Variants in WDFY4 observed in about 807,000 individuals in gnomAD.
WDFY4 encodes WD repeat- and FYVE domain-containing protein 4.
Under a neutral mutation model 351.9 loss-of-function variants are expected in WDFY4, and 169 were observed. The observed-to-expected ratio is 0.48, with a 90% CI of 0.42 to 0.55. The LOEUF (loss-of-function observed/expected upper bound fraction) is 0.55. Among genes scored for constraint, WDFY4 ranks in the 20% least tolerant of loss-of-function variants. WDFY4 has a pLI of 0.00. For synonymous variants in WDFY4, 1,622 were observed against 1,574.6 expected (o/e 1.03, Z -0.71); for missense variants, 3,803 against 3,935.6 (o/e 0.97, Z 0.90).
intron 19 of WDFY4, among the ~76,000 whole-genome samples, chr10:48,784,966 T>C (rs2132686671): frequency 6.7e-6 from 1 of 150,296 alleles, no homozygotes; most frequent in Non-Finnish European, 1.5e-5. Flanking sequence ...CGCGCCATTC[T>C]CCTGCCTCAG....
At chr10:48,895,046 G>C (rs1379298178) in intron 44 of WDFY4, among the ~76,000 whole-genome samples, 1 of 152,202 alleles carries the variant, frequency 6.6e-6, no homozygotes, top group Non-Finnish European at 1.5e-5. Context: ...TAGAGGAGAG[G>C]GCCTGGGAGG....
At chr10:48,692,265 C>G (rs886325788) in intron 1 of WDFY4, among the ~76,000 whole-genome samples, 1 of 152,204 alleles carries the variant, frequency 6.6e-6, no homozygotes, top group African/African-American at 2.4e-5. Flanking sequence ...CTTGTATTTC[C>G]TTTTAGCCTC....
intron 47 of WDFY4, among the ~76,000 whole-genome samples, chr10:48,906,880 C>T (rs951752413): frequency 2.0e-5 from 3 of 151,968 alleles, no homozygotes; most frequent in African/African-American, 7.2e-5. Context: ...CTAAAACAAA[C>T]AATCATATTG....
intron 47 of WDFY4, among the ~76,000 whole-genome samples, chr10:48,914,564 C>T (rs115418715): frequency 0.014 from 2,125 of 152,242 alleles, 50 homozygotes; most frequent in African/African-American, 0.048. Flanking sequence ...TGTGTGTGTT[C>T]TTGGATATCT....
Position 48,810,638 on chromosome 10 carries a change from C to T in WDFY4, c.4947C>T (p.Tyr1649=). Residue 1649 remains tyrosine, a synonymous_variant, in exon 29 of 62, where the codon TAC becomes TAT. Coordinates refer to ENST00000325239, the MANE Select transcript of WDFY4 (RefSeq NM_001394531.1). ...TTVLALKLLL[Y]FLASPSLRTR... Reference sequence around the variant, plus strand: ...TGCTGGCATTGAAGCTGCTGCTGTACTTTCTGGCAAGCCCCTCCCTCCGCA... The same window carrying T: ...TGCTGGCATTGAAGCTGCTGCTGTATTTTCTGGCAAGCCCCTCCCTCCGCA... 1 of 1,551,698 alleles carries T rather than the reference C, an allele frequency of 6.4e-7. No homozygotes were observed.
intron 28 of WDFY4, among the ~76,000 whole-genome samples, chr10:48,809,881 C>T (rs1453541892): frequency 1.3e-5 from 2 of 152,322 alleles, no homozygotes; most frequent in South Asian, 2.1e-4. Context: ...GCTGAGAACA[C>T]AGGTGGAGCC....
In WDFY4 at chr10:48,826,714, C is replaced by T; in HGVS notation, c.6026C>T (p.Thr2009Ile). The T allele has an allele frequency of 1.9e-6, 3 of 1,551,728 alleles. No individual in the cohort carries two copies. The highest frequency in any genetic ancestry group is 1.7e-6 in the Non-Finnish European group (2 of 1,146,994). The change falls in exon 36 of 62, where the codon ACT (threonine) becomes ATT (isoleucine). Residue 2009 changes from threonine to isoleucine, a missense_variant. Physicochemically the swap from Thr to Ile is moderately conservative, Grantham distance 89. Around this residue, in one of 3 missense-constraint regions of WDFY4, gnomAD observed 3,054 missense variants for 3,148.6 expected, o/e 0.97. Coordinates refer to ENST00000325239, the MANE Select transcript of WDFY4 (RefSeq NM_001394531.1). ...ASSQRDTVLS[T>I]LYSSLNKVIL... ...TCTCAAAGGGACACTGTCCTCAGCACTTTATACAGCAGTTTAAATAAAGTC... is the reference window on the plus strand; with the variant it reads ...TCTCAAAGGGACACTGTCCTCAGCATTTTATACAGCAGTTTAAATAAAGTC...
intron 47 of WDFY4, among the ~76,000 whole-genome samples, chr10:48,925,289 A>C (rs1839474884): frequency 6.6e-6 from 1 of 152,060 alleles, no homozygotes; most frequent in Admixed American, 6.5e-5. Flanking sequence ...GCTCCCTCTA[A>C]AGAGAGGCGG....
intron 1 of WDFY4, among the ~76,000 whole-genome samples, chr10:48,707,087 A>C (rs2063650955): frequency 6.6e-6 from 1 of 152,242 alleles, no homozygotes; most frequent in Admixed American, 6.5e-5. Context: ...AGAGAAAGAC[A>C]AGCAAGGAAA....
At chr10:48,821,891 G>T (rs1253903882) in intron 34 of WDFY4, among the ~76,000 whole-genome samples, 1 of 152,224 alleles carries the variant, frequency 6.6e-6, no homozygotes, top group Non-Finnish European at 1.5e-5. Flanking sequence ...CTAGTCAGGT[G>T]CCTGGACCTG....
At chr10:48,689,212 TC>T (rs2063134393) in intron 1 of WDFY4, among the ~76,000 whole-genome samples, 1 of 152,176 alleles carries the variant, frequency 6.6e-6, no homozygotes, top group South Asian at 2.1e-4. Context: ...ATTTGTAATC[TC>T]CCTCCAAGTG....
At chr10:48,947,657 T>A (rs183448563) in intron 51 of WDFY4, among the ~76,000 whole-genome samples, 24 of 152,326 alleles carry the variant, frequency 1.6e-4, no homozygotes, top group African/African-American at 5.8e-4. Flanking sequence ...GAGTCTTTCA[T>A]GGGCAGTGCT....
chr10:48,915,201 T>C (rs11101562), intron 47 of WDFY4, among the ~76,000 whole-genome samples: 9,126 of 152,272 alleles, frequency 0.06, 361 homozygotes, highest in East Asian at 0.19. Flanking sequence ...CAGTGCCTGG[T>C]ACATAGTAAT....
At chr10:48,946,274 G>T (rs1290197534) in intron 50 of WDFY4, 117 bp downstream of exon 50, 1 of 792,718 alleles carries the variant, frequency 1.3e-6, no homozygotes, top group East Asian at 2.9e-5. Context: ...TTGAATAGAG[G>T]ACTCTAACCT....
Position 48,982,516 on chromosome 10 carries a change from A to G in WDFY4, c.9496A>G (p.Thr3166Ala). 6.6e-7 allele frequency: 1 copy of G among 1,518,824 alleles called. No homozygotes were observed. The highest frequency in any genetic ancestry group is 8.9e-7 in the Non-Finnish European group (1 of 1,128,264). 94.1% of individuals were successfully genotyped at this position (1,518,824 alleles called of 1,614,324 possible). ...VTALAVSRNH[T>A]KLLVGDERGR... is the part of the protein sequence containing the mutation. ...TTTCTTTCTCTTCCCAAGAAACCACACCAAACTCCTGGTTGGTGATGAGAG... is the reference window on the plus strand; with the variant it reads ...TTTCTTTCTCTTCCCAAGAAACCACGCCAAACTCCTGGTTGGTGATGAGAG... The change falls in exon 62 of 62, where the codon ACC (threonine) becomes GCC (alanine). Residue 3166 changes from threonine to alanine, a missense_variant. This residue lies in a region of WDFY4 where 3,054 missense variants were observed against 3,148.6 expected (regional missense o/e 0.97). Coordinates refer to ENST00000325239, the MANE Select transcript of WDFY4 (RefSeq NM_001394531.1).
chr10:48,897,638 C>T, intron 45 of WDFY4, 64 bp downstream of exon 45: 5 of 1,520,986 alleles, frequency 3.3e-6, no homozygotes, highest in Non-Finnish European at 4.4e-6. Flanking sequence ...GACAGGTGGT[C>T]CAGGAGCCAT....
At chr10:48,715,424 G>A (rs1417339638) in intron 2 of WDFY4, among the ~76,000 whole-genome samples, 1 of 152,206 alleles carries the variant, frequency 6.6e-6, no homozygotes, top group Admixed American at 6.5e-5. Context: ...TAACTTAGTT[G>A]TATTTAGAGG....
At chr10:48,688,955 A>G (rs892070920) in intron 1 of WDFY4, among the ~76,000 whole-genome samples, 4 of 152,200 alleles carry the variant, frequency 2.6e-5, no homozygotes, top group Admixed American at 2.6e-4. Context: ...GTGGAAGTAG[A>G]AGCAGAAATA....
chr10:48,787,915 C>CTTG (rs2066511704), intron 20 of WDFY4, among the ~76,000 whole-genome samples: 1 of 53,884 alleles, frequency 1.9e-5, no homozygotes, highest in Non-Finnish European at 3.4e-5. Context: ...TCTTCTTCTT[C>CTTG]TTCTTCTTCT....
Sources: allele counts gnomAD v4.1 joint callset (sites outside exome capture counted in the v4.1 genomes callset), GRCh38; gene constraint gnomAD v4.1.1; regional missense constraint gnomAD v4.1.1; transcripts MANE v1.5; gene names NCBI Gene and HGNC (gene_info 2026-07-23, HGNC 2026-07-21).